The following SLC40A1 variants were observed in gnomAD, a reference collection of about 807,000 sequenced individuals.
The protein encoded by SLC40A1 is ferroportin.
In SLC40A1, 16 loss-of-function variants were observed where a neutral mutation model predicts 53.5. The observed-to-expected ratio is 0.30, with a 90% CI of 0.20 to 0.45. The LOEUF is 0.45. Ranked by LOEUF, SLC40A1 falls within the 20% of genes least tolerant of loss-of-function variation. The pLI is 1.00. For synonymous variants in SLC40A1, 247 were observed against 253.2 expected (o/e 0.98, Z 0.23); for missense variants, 545 against 695.4 (o/e 0.78, Z 2.43).
Position 189,565,619 on chromosome 2 carries a change from A to G in SLC40A1, c.515-20T>C. ...TCATATCTAGAGAGGCAGGTGAAAG[A>G]GGCAGGTAAGTGTGCAAACCCATCA... On this transcript the variant is annotated intron_variant, in intron 5 of 7. Coordinates refer to ENST00000261024, the MANE Select transcript of SLC40A1 (RefSeq NM_014585.6). 2 of 1,614,136 alleles carry G rather than the reference A, an allele frequency of 1.2e-6. No individual in the cohort carries two copies. Among genetic ancestry groups the G allele is most frequent in the African/African-American group, 1.3e-5 (1 of 75,066 alleles).
At chr2:189,567,435 C>G (rs1406422658) in intron 5 of SLC40A1, among the ~76,000 whole-genome samples, 1 of 152,116 alleles carries the variant, frequency 6.6e-6, no homozygotes, top group African/African-American at 2.4e-5. Context: ...CATCTCATCT[C>G]ATCACAACAT....
chr2:189,564,287 T>C, intron 6 of SLC40A1, 62 bp from the exon 7 acceptor site: 1 of 1,458,224 alleles, frequency 6.9e-7, no homozygotes. Context: ...AGCCAATTAT[T>C]AGTAGTACTT....
chr2:189,561,934 C>G lies in SLC40A1; in HGVS notation c.1660G>C (p.Gly554Arg), dbSNP rs369255146. 2 of 1,614,034 alleles carry G rather than the reference C, an allele frequency of 1.2e-6. No individual in the cohort carries two copies. The highest frequency in any genetic ancestry group is 1.7e-6 in the Non-Finnish European group (2 of 1,179,986). Reference sequence around the variant, plus strand: ...TTCCTAACTTCTTTTGCATCAGGACCGCAAGCAAAGAGCTTGTTTCCCAGA... The same window carrying G: ...TTCCTAACTTCTTTTGCATCAGGACGGCAAGCAAAGAGCTTGTTTCCCAGA... ...NTLGNKLFACGPDAKEVRKEN... is the reference protein window; with the variant it reads ...NTLGNKLFACRPDAKEVRKEN... Residue 554 changes from glycine to arginine, a missense_variant, in exon 8 of 8, where the codon GGT becomes CGT. This residue lies in a region of SLC40A1 where 234 missense variants were observed against 299.0 expected (regional missense o/e 0.78). Transcript: ENST00000261024.
In SLC40A1 at chr2:189,572,858, A is replaced by C. The variant is rs1052452054; in HGVS notation, c.375T>G (p.His125Gln). Reference protein sequence around the residue: ...LHKHELLTMYHGWVLTSCYIL... With the variant: ...LHKHELLTMYQGWVLTSCYIL... ...ATTGAGAACTTACGAGAACCCATCCATGGTACATGGTCAGAAGCTCATGTT... is the reference window on the plus strand; with the variant it reads ...ATTGAGAACTTACGAGAACCCATCCCTGGTACATGGTCAGAAGCTCATGTT... The change falls in exon 4 of 8, where the codon CAT (histidine) becomes CAG (glutamine). Residue 125 changes from histidine to glutamine, a missense_variant. By Grantham distance (24) the His-to-Gln change is conservative. This residue lies in a region of SLC40A1 where 197 missense variants were observed against 278.8 expected (regional missense o/e 0.71). Transcript: ENST00000261024. The C allele has an allele frequency of 6.2e-7, 1 of 1,609,662 alleles. No individual in the cohort carries two copies. The highest frequency in any genetic ancestry group is 1.3e-5 in the African/African-American group (1 of 74,812).
rs2030719932 is a variant in SLC40A1 at position 189,560,984 on chromosome 2, A to C, written c.*894T>G. ...TGTTAAATCAAGTGATTTGTAAAAC[A>C]AAACCTTCACAAGTGTGGGCTTTCT... is the stretch of plus-strand genomic sequence containing the variant. On this transcript the variant is annotated 3_prime_UTR_variant, in exon 8 of 8. Transcript: ENST00000261024. 2.0e-5 allele frequency: 3 copies of C among 152,238 alleles called. No individual in the cohort carries two copies. The South Asian group carries it at 6.2e-4, about 32-fold the overall frequency. 9.4% of individuals were successfully genotyped at this position (152,238 alleles called of 1,614,324 possible).
intron 6 of SLC40A1, 59 bp from the exon 7 acceptor site, chr2:189,564,284 T>C: frequency 6.8e-7 from 1 of 1,470,524 alleles, no homozygotes. Context: ...AAAAGCCAAT[T>C]ATTAGTAGTA....
chr2:189,574,750 C>A lies in SLC40A1; in HGVS notation c.271+411G>T, dbSNP rs371019468. 3.3e-3 allele frequency among the ~76,000 whole-genome samples: 499 copies of A among 152,234 alleles called. 1 individual carries two copies. The highest frequency in any genetic ancestry group is 0.011 in the African/African-American group (477 of 41,530). ...TTAGTTTTCAATTCCCTTATACATA[C>A]TCTTACATGAAACATAGTAACCAAA... On this transcript the variant is annotated intron_variant, in intron 3 of 7. Transcript: ENST00000261024.
At chr2:189,573,794 A>G (rs528314622) in intron 3 of SLC40A1, among the ~76,000 whole-genome samples, 1 of 152,232 alleles carries the variant, frequency 6.6e-6, no homozygotes, top group South Asian at 2.1e-4. Flanking sequence ...CTTGTCTTCA[A>G]GGATAATATA....
rs2030760072 is a variant in SLC40A1, at chr2:189,562,143, A to G, written c.1451T>C (p.Val484Ala). The G allele has an allele frequency of 1.2e-6, 2 of 1,613,760 alleles. No homozygotes were observed. ...TATAATGCCTCTTTCAGATTCAATT[A>G]CATTTTCTTGCAGCAACTGTGTCAC... ...LTVTQLLQEN[V>A]IESERGIING... Residue 484 changes from valine (V) to alanine (A), a missense_variant, in exon 8 of 8, where the codon GTA becomes GCA. Val to Ala is a moderately conservative substitution (Grantham distance 64, BLOSUM62 0). Transcript: ENST00000261024.
chr2:189,571,445 TA>T (rs60804551), intron 5 of SLC40A1, among the ~76,000 whole-genome samples: 27,377 of 146,868 alleles, frequency 0.19, 3,319 homozygotes, highest in Non-Finnish European at 0.27. Flanking sequence ...AATTTTTTTT[TA>T]AAAAAAAAAA....
intron 4 of SLC40A1, 100 bp from the exon 5 acceptor site, chr2:189,571,941 T>TA (rs1055931629): frequency 1.2e-4 from 96 of 806,324 alleles, no homozygotes; most frequent in African/African-American, 3.6e-4. Context: ...GGTGGAATGA[T>TA]AAAAAAAGTA....
intron 1 of SLC40A1, 124 bp from the exon 2 acceptor site, chr2:189,580,004 A>T: frequency 1.0e-6 from 1 of 956,646 alleles, no homozygotes; most frequent in East Asian, 2.6e-5. Flanking sequence ...AGGACAAACC[A>T]CGTACATTTT....
chr2:189,567,513 C>A (rs1286409437), intron 5 of SLC40A1, among the ~76,000 whole-genome samples: 9 of 151,796 alleles, frequency 5.9e-5, no homozygotes, highest in African/African-American at 1.9e-4. Context: ...AAAATAAAAC[C>A]AAAAGTTTTA....
chr2:189,571,423 G>T (rs963386746), intron 5 of SLC40A1, among the ~76,000 whole-genome samples: 2 of 148,216 alleles, frequency 1.3e-5, no homozygotes, highest in Admixed American at 6.7e-5. Flanking sequence ...TAAACATTTA[G>T]AAAGTTGATT....
intron 5 of SLC40A1, among the ~76,000 whole-genome samples, chr2:189,567,143 A>G (rs1045788767): frequency 6.6e-6 from 1 of 152,198 alleles, no homozygotes; most frequent in Non-Finnish European, 1.5e-5. Flanking sequence ...TGGACAGTGA[A>G]AAGGCCGTGG....
Position 189,563,901 on chromosome 2 carries a change from C to G in SLC40A1, c.1085G>C (p.Trp362Ser), listed in dbSNP as rs756935816. 1.1e-5 allele frequency: 18 copies of G among 1,614,116 alleles called. No individual in the cohort carries two copies. The South Asian group carries it at 1.8e-4, about 16-fold the overall frequency. Residue 362 changes from tryptophan to serine, a missense_variant, in exon 7 of 8, where the codon TGG becomes TCG. Trp to Ser is a radical substitution (Grantham distance 177). Transcript: ENST00000261024. ...AACCAAACCACATTTTCGACGTAGCCAAGTAAAAGCTACAGTTCCCATTAT... is the reference window on the plus strand; with the variant it reads ...AACCAAACCACATTTTCGACGTAGCGAAGTAAAAGCTACAGTTCCCATTAT... Reference protein sequence around the residue: ...TGIMGTVAFTWLRRKCGLVRT... With the variant: ...TGIMGTVAFTSLRRKCGLVRT...
Position 189,562,013 on chromosome 2 carries a change from T to C in SLC40A1, c.1581A>G (p.Ser527=). ...PEAFGLLVLI[S]VSFVAMGHIM... ...TGTGGCCCATTGCCACAAAGGAGAC[T>C]GAAATCAATACGAGCAAGCCAAAAG... Residue 527 remains serine (S), a synonymous_variant, in exon 8 of 8, where the codon TCA becomes TCG. Coordinates refer to ENST00000261024, the MANE Select transcript of SLC40A1 (RefSeq NM_014585.6). The C allele has an allele frequency of 6.2e-7, 1 of 1,614,160 alleles. No individual in the cohort carries two copies. Among genetic ancestry groups the C allele is most frequent in the Non-Finnish European group, 8.5e-7 (1 of 1,179,998 alleles).
At chr2:189,575,023 C>G in intron 3 of SLC40A1, 138 bp downstream of exon 3, 1 of 989,680 alleles carries the variant, frequency 1.0e-6, no homozygotes, top group East Asian at 2.4e-5. Context: ...GTGGTGCCAT[C>G]TAAGCCCTCC....
intron 7 of SLC40A1, 93 bp downstream of exon 7, chr2:189,563,491 G>A: frequency 8.5e-7 from 1 of 1,171,296 alleles, no homozygotes; most frequent in Middle Eastern, 2.4e-4. Context: ...TTAACATTTA[G>A]GGAACATTTC....
Sources: gnomAD v4.1 joint callset for allele counts (sites outside exome capture counted in the v4.1 genomes callset) on GRCh38, gnomAD v4.1.1 for gene constraint, gnomAD v4.1.1 regional missense constraint, MANE v1.5 for transcripts, NCBI Gene and HGNC (gene_info 2026-07-23, HGNC 2026-07-21) for gene names.